The following PHKA1 variants were observed in gnomAD, a reference collection of about 807,000 sequenced individuals.
PHKA1 encodes phosphorylase b kinase regulatory subunit alpha, skeletal muscle isoform.
PHKA1 carries 60 observed loss-of-function variants against 110.2 expected under a neutral mutation model. The observed-to-expected ratio is 0.54, with a 90% CI of 0.44 to 0.68. The LOEUF (loss-of-function observed/expected upper bound fraction) is 0.68. PHKA1 is among the 30% of genes least tolerant of loss of function. The probability of loss-of-function intolerance (pLI) is 0.00; values close to 1 mark genes in which losing one functional copy is unlikely to be tolerated. For synonymous variants in PHKA1, 316 were observed against 333.6 expected (o/e 0.95, Z 0.58); for missense variants, 801 against 942.5 (o/e 0.85, Z 1.97).
chrX:72,697,162 C>T (rs1296090410), intron 3 of PHKA1: 1 of 110,741 alleles, frequency 9.0e-6, no homozygotes, highest in Non-Finnish European at 1.9e-5. Context: ...TTTCTAGGAC[C>T]GTAGAGAGCA....
At chrX:72,596,546 G>A (rs2052592029) in intron 28 of PHKA1, among the ~76,000 whole-genome samples, 1 of 110,815 alleles carries the variant, frequency 9.0e-6, no homozygotes, top group African/African-American at 3.3e-5. Flanking sequence ...AAAAAATAAC[G>A]TTAAGAATAA....
intron 10 of PHKA1, 61 bp downstream of exon 10, chrX:72,656,059 A>G: frequency 8.6e-7 from 1 of 1,167,200 alleles, no homozygotes; most frequent in East Asian, 3.0e-5. Flanking sequence ...TTGGTATACT[A>G]TTAGCTGTAA....
intron 8 of PHKA1, chrX:72,660,680 C>A: frequency 3.0e-6 from 1 of 332,995 alleles, no homozygotes; most frequent in South Asian, 3.6e-5. Flanking sequence ...AAATAAATTT[C>A]TGAATAAATT....
In PHKA1 at chrX:72,681,169, G is replaced by T. The variant is rs2053855751; in HGVS notation, c.537+3329C>A. Reference sequence around the variant, plus strand: ...CGTCTGAGATGTGGGGAGCGCCTCTGCCCCGCCGCCCCATCTGGGATGTGA... The same window carrying T: ...CGTCTGAGATGTGGGGAGCGCCTCTTCCCCGCCGCCCCATCTGGGATGTGA... On this transcript the variant is annotated intron_variant, in intron 5 of 31. Coordinates refer to ENST00000373542, the MANE Select transcript of PHKA1 (RefSeq NM_002637.4). Among the ~76,000 whole-genome samples, 3 of 96,551 alleles carry T rather than the reference G, an allele frequency of 3.1e-5. No individual in the cohort carries two copies. The Admixed American group carries it at 3.3e-4, about 11-fold the overall frequency. The allele number at this position is 96,551 out of a possible 115,157, so 83.8% of individuals were successfully genotyped here. A position where few individuals can be genotyped will look rare whatever the true frequency, so the allele number is the denominator to read the frequency against.
chrX:72,707,630 C>T lies in PHKA1; in HGVS notation c.238-2385G>A, dbSNP rs1603276708. 5.3e-5 allele frequency among the ~76,000 whole-genome samples: 5 copies of T among 93,660 alleles called. No homozygotes were observed. In the South Asian group the frequency reaches 2.1e-3, roughly 40 times the overall value. The allele number at this position is 93,660 out of a possible 115,157, so 81.3% of individuals were successfully genotyped here. On this transcript the variant is annotated intron_variant, in intron 2 of 31. Transcript: ENST00000373542. ...ACTCTCAAAAGGCTTATCAAAAAAT[C>T]GTGTGTGTGTGTGTGTGTGTGTGTG...
At chrX:72,606,833 A>G (rs1556252180) in intron 23 of PHKA1, among the ~76,000 whole-genome samples, 1 of 111,377 alleles carries the variant, frequency 9.0e-6, no homozygotes, top group African/African-American at 3.3e-5. Context: ...TACTTTTTGT[A>G]CCCATTAACC....
At chrX:72,599,854 G>A (rs1556239988) in intron 28 of PHKA1, 1 of 548,745 alleles carries the variant, frequency 1.8e-6, no homozygotes. Context: ...CCCAGGGGAT[G>A]ACCACCATTG....
chrX:72,676,128 C>G lies in PHKA1; in HGVS notation c.560G>C (p.Gly187Ala). ...TGAGATCCCTTGGTTGGTCTTGTCT[C>G]CACGTTCCCATATCCCGAAGTCCTG... The part of the protein sequence containing the change: ...KTADFGIWER[G>A]DKTNQGISEL... The change falls in exon 6 of 32, where the codon GGA (glycine) becomes GCA (alanine). Residue 187 changes from glycine to alanine, a missense_variant. Gly to Ala is a moderately conservative substitution (Grantham distance 60). Transcript: ENST00000373542. The G allele has an allele frequency of 3.3e-6, 4 of 1,207,678 alleles. No homozygotes were observed. The highest frequency in any genetic ancestry group is 4.5e-6 in the Non-Finnish European group (4 of 892,305).
chrX:72,713,607 C>A (rs889868621), intron 1 of PHKA1, among the ~76,000 whole-genome samples, 196 bp downstream of exon 1: 64 of 109,443 alleles, frequency 5.8e-4, no homozygotes, highest in Non-Finnish European at 8.0e-4. Context: ...GGCGGGAGAA[C>A]CTGCTACAGA....
At chrX:72,607,822 C>T (rs1556254187) in intron 23 of PHKA1, among the ~76,000 whole-genome samples, 1 of 111,288 alleles carries the variant, frequency 9.0e-6, no homozygotes. Flanking sequence ...CACTATGCTC[C>T]TCATCTTCAA....
chrX:72,712,680 C>T, intron 2 of PHKA1, 99 bp downstream of exon 2: 2 of 778,430 alleles, frequency 2.6e-6, no homozygotes, highest in East Asian at 3.3e-5. Context: ...ATACAGTTCT[C>T]TTAGCTTTTG....
intron 2 of PHKA1, 103 bp from the exon 3 acceptor site, chrX:72,705,348 C>T: frequency 1.7e-6 from 1 of 574,157 alleles, no homozygotes; most frequent in Non-Finnish European, 3.0e-6. Context: ...AACAAGTAAC[C>T]CTATCCTGTG....
chrX:72,585,287 T>C (rs782786664), intron 29 of PHKA1, among the ~76,000 whole-genome samples: 3 of 111,710 alleles, frequency 2.7e-5, no homozygotes, highest in Admixed American at 9.5e-5. Context: ...CCAACAGCTA[T>C]AAAATTTTTT....
intron 22 of PHKA1, among the ~76,000 whole-genome samples, chrX:72,610,168 T>C (rs1400345964): frequency 9.0e-6 from 1 of 111,109 alleles, no homozygotes; most frequent in Non-Finnish European, 1.9e-5. Context: ...TACAACAAAT[T>C]ATTGTAAACT....
At chrX:72,681,729 A>G (rs1556315592) in intron 5 of PHKA1, among the ~76,000 whole-genome samples, 9 of 63,087 alleles carry the variant, frequency 1.4e-4, no homozygotes, top group East Asian at 9.0e-4. Flanking sequence ...TGGGGGGGTC[A>G]GCCCTCCGCC....
intron 2 of PHKA1, chrX:72,709,322 GTATCTA>G (rs1475971327): frequency 4.6e-5 from 5 of 108,660 alleles, no homozygotes; most frequent in Non-Finnish European, 7.6e-5. Flanking sequence ...GTATGAGACT[GTATCTA>G]TATACCTTAG....
At chrX:72,652,124 T>C (rs2053437828) in intron 12 of PHKA1, among the ~76,000 whole-genome samples, 1 of 112,179 alleles carries the variant, frequency 8.9e-6, no homozygotes, top group African/African-American at 3.2e-5. Context: ...TCCTAGTCAC[T>C]TATCATGGCA....
At chrX:72,643,181 G>C (rs1423654868) in intron 14 of PHKA1, among the ~76,000 whole-genome samples, 2 of 110,579 alleles carry the variant, frequency 1.8e-5, no homozygotes, top group Non-Finnish European at 3.8e-5. Context: ...TTTTAAGCTG[G>C]GAATACTTGC....
At chrX:72,639,692 A>C (rs1177073614) in intron 14 of PHKA1, among the ~76,000 whole-genome samples, 3 of 112,304 alleles carry the variant, frequency 2.7e-5, no homozygotes, top group Non-Finnish European at 3.8e-5. Flanking sequence ...CCACATATTC[A>C]TCAGCACTGG....
Sources: allele counts gnomAD v4.1 joint callset (sites outside exome capture counted in the v4.1 genomes callset), GRCh38; gene constraint gnomAD v4.1.1; transcripts MANE v1.5; gene names NCBI Gene and HGNC (gene_info 2026-07-23, HGNC 2026-07-21).